Variants in WRNIP1 observed in about 807,000 individuals in gnomAD.
The protein encoded by WRNIP1 is ATPase WRNIP1.
In WRNIP1, 41 loss-of-function variants were observed where a neutral mutation model predicts 56.1. The observed-to-expected ratio is 0.73, with a 90% CI of 0.57 to 0.95. The LOEUF (loss-of-function observed/expected upper bound fraction) is 0.95, where lower values mean the gene tolerates loss of function less well. Ranked by LOEUF, WRNIP1 falls within the 40% of genes least tolerant of loss-of-function variation. The pLI is 0.00. For synonymous variants in WRNIP1, 547 were observed against 398.1 expected (o/e 1.37, Z -4.45); for missense variants, 1,170 against 939.4 (o/e 1.25, Z -3.21).
chr6:2,767,167 A>T (rs1765052140), intron 1 of WRNIP1, among the ~76,000 whole-genome samples: 1 of 152,244 alleles, frequency 6.6e-6, no homozygotes. Flanking sequence ...TTAGCGTTCC[A>T]GATGAGGGCA....
At chr6:2,775,605 G>A (rs1277561910) in intron 3 of WRNIP1, among the ~76,000 whole-genome samples, 1 of 152,180 alleles carries the variant, frequency 6.6e-6, no homozygotes, top group Non-Finnish European at 1.5e-5. Flanking sequence ...TACATATCCA[G>A]CTGTCTAAGT....
Position 2,765,422 on chromosome 6 carries a change from G to C in WRNIP1, c.-201G>C, listed in dbSNP as rs1764889766. ...TTCCCGACACGCCGCGTGAGGCGCT[G>C]CCAGCGGCCGGCCGAGGGCGGGCGG... On this transcript the variant is annotated 5_prime_UTR_variant, in exon 1 of 7. Coordinates refer to ENST00000380773, the MANE Select transcript of WRNIP1 (RefSeq NM_020135.3). 1 of 519,120 alleles carries C rather than the reference G, an allele frequency of 1.9e-6. No individual in the cohort carries two copies. The highest frequency in any genetic ancestry group is 2.8e-6 in the Non-Finnish European group (1 of 353,678). The allele number at this position is 519,120 out of a possible 1,614,324, so 32.2% of individuals were successfully genotyped here. A position where few individuals can be genotyped will look rare whatever the true frequency, so the allele number is the denominator to read the frequency against.
intron 5 of WRNIP1, among the ~76,000 whole-genome samples, 199 bp downstream of exon 5, chr6:2,783,760 G>A (rs1464115995): frequency 3.3e-5 from 5 of 149,750 alleles, no homozygotes; most frequent in African/African-American, 9.8e-5. Context: ...ATTTCCTGGT[G>A]TATGTGCTTT....
In WRNIP1 at chr6:2,779,281, G is replaced by A. The variant is rs1226967737; in HGVS notation, c.1275G>A (p.Glu425=). 1 of 1,614,170 alleles carries A rather than the reference G, an allele frequency of 6.2e-7. No homozygotes were observed. Among genetic ancestry groups the A allele is most frequent in the East Asian group, 2.2e-5 (1 of 44,890 alleles). The part of the protein sequence containing the change: ...NSSSEPAMFI[E]DKAVDTLAYL... ...GTTTCAGGCCCGCCATGTTCATAGAGGATAAAGCAGTAGACACCCTGGCTT... is the reference window on the plus strand; with the variant it reads ...GTTTCAGGCCCGCCATGTTCATAGAAGATAAAGCAGTAGACACCCTGGCTT... Residue 425 remains glutamate, a synonymous_variant, in exon 4 of 7, where the codon GAG becomes GAA. Transcript: ENST00000380773.
At chr6:2,781,527 G>C (rs1452763486) in intron 4 of WRNIP1, among the ~76,000 whole-genome samples, 1 of 152,170 alleles carries the variant, frequency 6.6e-6, no homozygotes. Context: ...TATAACTCCA[G>C]TGAGACAAAG....
In WRNIP1 at chr6:2,786,695, C is replaced by T. The variant is rs1466563728; in HGVS notation, c.*1413C>T. On this transcript the variant is annotated 3_prime_UTR_variant, in exon 7 of 7. Coordinates refer to ENST00000380773, the MANE Select transcript of WRNIP1 (RefSeq NM_020135.3). ...GTAATAAATTGTAGGTAAGAAATTA[C>T]TTGTGCATTGTTTTACACTTTCCCA... 1 of 63,894 alleles carries T rather than the reference C, an allele frequency of 1.6e-5. No individual in the cohort carries two copies. Among genetic ancestry groups the T allele is most frequent in the African/African-American group, 3.1e-5 (1 of 32,340 alleles). The allele number at this position is 63,894 out of a possible 1,614,324, so 4.0% of individuals were successfully genotyped here.
At position 2,768,816 on chromosome 6, in the gene WRNIP1, G is replaced by C. The variant is rs750206743; in HGVS notation, c.948G>C (p.Lys316Asn). The part of the protein sequence containing the change: ...RDVIKQAQNE[K>N]SFFKRKTILF... ...TCATAAAACAAGCTCAAAATGAAAAGAGCTTTTTCAAAAGGAAAACCATCC... is the reference window on the plus strand; with the variant it reads ...TCATAAAACAAGCTCAAAATGAAAACAGCTTTTTCAAAAGGAAAACCATCC... Residue 316 changes from lysine to asparagine, a missense_variant, in exon 2 of 7, where the codon AAG (lysine) becomes AAC (asparagine). Transcript: ENST00000380773. The C allele has an allele frequency of 6.2e-7, 1 of 1,613,794 alleles. No individual in the cohort carries two copies. Among genetic ancestry groups the C allele is most frequent in the East Asian group, 2.2e-5 (1 of 44,876 alleles).
chr6:2,773,675 A>AG (rs1765363738), intron 3 of WRNIP1: 1 of 985,274 alleles, frequency 1.0e-6, no homozygotes, highest in South Asian at 4.7e-5. Flanking sequence ...AAAATGAAAA[A>AG]GTAAGCTAGC....
At chr6:2,782,559 G>C (rs1440506320) in intron 4 of WRNIP1, among the ~76,000 whole-genome samples, 6 of 152,212 alleles carry the variant, frequency 3.9e-5, no homozygotes, top group Non-Finnish European at 7.3e-5. Flanking sequence ...GGAGGAGTGA[G>C]ACTCACGGGA....
In WRNIP1 at chr6:2,765,665, CTGCACCAGG is replaced by C; in HGVS notation, c.48_56del (p.His16_Val18del). The C allele has an allele frequency of 6.4e-7, 1 of 1,551,422 alleles. No individual in the cohort carries two copies. The highest frequency in any genetic ancestry group is 8.6e-7 in the Non-Finnish European group (1 of 1,157,012). On this transcript the variant is annotated inframe_deletion, in exon 1 of 7. Transcript: ENST00000380773. Reference sequence around the variant, plus strand: ...GGAAGACGACCCCTTCCTTTCGCAGCTGCACCAGGTGCAGTGCCCCGTGTGCCAGCAGAT... The same window carrying C: ...GGAAGACGACCCCTTCCTTTCGCAGCTGCAGTGCCCCGTGTGCCAGCAGAT...
rs551614162 is a variant in WRNIP1, at chr6:2,765,718, C to T, written c.96C>T (p.Ile32=). ...VCQQMMPAAH[I]NSHLDRCLLL... ...AGCAGATGATGCCCGCCGCGCACAT[C>T]AACTCGCACCTGGACCGCTGTCTGC... Residue 32 remains isoleucine (I), a synonymous_variant, in exon 1 of 7, where the codon ATC becomes ATT. Coordinates refer to ENST00000380773, the MANE Select transcript of WRNIP1 (RefSeq NM_020135.3). 7 of 1,542,920 alleles carry T rather than the reference C, an allele frequency of 4.5e-6. No homozygotes were observed. In the Admixed American group the frequency reaches 9.1e-5, roughly 20 times the overall value.
In WRNIP1 at chr6:2,774,160, T is replaced by G. The variant is rs369555136; in HGVS notation, c.1256+3799T>G. ...GTCAATCTTTTTATTTAAAAATTTT[T>G]TAAGTACATTAATACAGTACATTAA... On this transcript the variant is annotated intron_variant, in intron 3 of 6. Transcript: ENST00000380773. 5.2e-4 allele frequency: 516 copies of G among 985,192 alleles called. 1 individual carries two copies. In the African/African-American group the frequency reaches 8.5e-3, roughly 16 times the overall value. The allele number at this position is 985,192 out of a possible 1,614,324, so 61.0% of individuals were successfully genotyped here. A position where few individuals can be genotyped will look rare whatever the true frequency, so the allele number is the denominator to read the frequency against.
intron 3 of WRNIP1, chr6:2,774,383 G>T (rs555089445): frequency 1.5e-6 from 1 of 668,198 alleles, no homozygotes; most frequent in East Asian, 1.4e-4. Context: ...TCAACAAGGC[G>T]ATGCTCTCAT....
chr6:2,772,019 A>C (rs1388629825), intron 3 of WRNIP1, among the ~76,000 whole-genome samples: 1 of 152,214 alleles, frequency 6.6e-6, no homozygotes, highest in African/African-American at 2.4e-5. Flanking sequence ...GATGACATGA[A>C]GTCAATAATA....
At chr6:2,782,718 C>CT (rs1465287062) in intron 4 of WRNIP1, among the ~76,000 whole-genome samples, 1 of 152,150 alleles carries the variant, frequency 6.6e-6, no homozygotes, top group Non-Finnish European at 1.5e-5. Context: ...TTAAATATGC[C>CT]TTTTTTTAAA....
At chr6:2,780,937 T>A (rs906750602) in intron 4 of WRNIP1, among the ~76,000 whole-genome samples, 7 of 152,226 alleles carry the variant, frequency 4.6e-5, no homozygotes, top group African/African-American at 1.7e-4. Context: ...GTATTCATTT[T>A]TTAAATTCTC....
chr6:2,780,614 T>C (rs1209753894), intron 4 of WRNIP1, among the ~76,000 whole-genome samples: 4 of 152,228 alleles, frequency 2.6e-5, no homozygotes. Context: ...ACGTGAATGC[T>C]TGCAAAGTCT....
intron 3 of WRNIP1, 82 bp downstream of exon 3, chr6:2,770,443 C>A: frequency 6.4e-7 from 1 of 1,566,920 alleles, no homozygotes; most frequent in Non-Finnish European, 8.7e-7. Flanking sequence ...GGCCGGGCGT[C>A]AGTGAGGAGA....
At chr6:2,777,499 A>G (rs1765459542) in intron 3 of WRNIP1, among the ~76,000 whole-genome samples, 2 of 152,058 alleles carry the variant, frequency 1.3e-5, no homozygotes, top group Admixed American at 6.5e-5. Context: ...GAGAGAATCC[A>G]TTGTTTTTAC....
Sources: allele counts gnomAD v4.1 joint callset (sites outside exome capture counted in the v4.1 genomes callset), GRCh38; gene constraint gnomAD v4.1.1; transcripts MANE v1.5; gene names NCBI Gene and HGNC (gene_info 2026-07-23, HGNC 2026-07-21).